The following DUSP12 variants were observed in gnomAD, a reference collection of about 807,000 sequenced individuals.
DUSP12 encodes the protein dual specificity phosphatase 12.
DUSP12 carries 25 observed loss-of-function variants against 38.9 expected under a neutral mutation model. The observed-to-expected ratio is 0.64, with a 90% confidence interval of 0.47 to 0.90. The LOEUF (loss-of-function observed/expected upper bound fraction) is 0.90, where lower values mean the gene tolerates loss of function less well. DUSP12 is among the 40% of genes least tolerant of loss of function. The probability of loss-of-function intolerance (pLI) is 0.00; values close to 1 mark genes in which losing one functional copy is unlikely to be tolerated. For synonymous variants in DUSP12, 153 were observed against 153.9 expected (o/e 0.99, Z 0.05); for missense variants, 403 against 427.0 (o/e 0.94, Z 0.50).
At chr1:161,754,189 A>G (rs1407211954) in intron 5 of DUSP12, among the ~76,000 whole-genome samples, 1 of 152,236 alleles carries the variant, frequency 6.6e-6, no homozygotes, top group African/African-American at 2.4e-5. Flanking sequence ...ACTGTATTAT[A>G]CCATTTGAAG....
At chr1:161,754,337 T>TA (rs986525201) in intron 5 of DUSP12, among the ~76,000 whole-genome samples, 14 of 151,910 alleles carry the variant, frequency 9.2e-5, no homozygotes, top group South Asian at 4.2e-4. Context: ...CTGCTTTTTT[T>TA]AAAAAAAACA....
Position 161,751,902 on chromosome 1 carries a change from C to T in DUSP12, c.495C>T (p.Tyr165=). Residue 165 remains tyrosine, a synonymous_variant, in exon 3 of 6, where the codon TAC becomes TAT. Transcript: ENST00000367943. The part of the protein sequence containing the change: ...NEGFEWQLKL[Y]QAMGYEVDTS... ...GGTTTGAGTGGCAACTGAAATTATA[C>T]CAGGCAATGGGATACGAAGTGGATA... The T allele has an allele frequency of 6.2e-7, 1 of 1,613,082 alleles. No homozygotes were observed. The highest frequency in any genetic ancestry group is 8.5e-7 in the Non-Finnish European group (1 of 1,179,608).
In DUSP12 at chr1:161,750,212, C is replaced by T. The variant is rs1369615083; in HGVS notation, c.344+67C>T. ...CCAGCCGGCCCCCGTCGCCCCTTAC[C>T]TTCCGAGGCCGTCGGGAGGACAAGA... On this transcript the variant is annotated intron_variant, in intron 1 of 5. Coordinates refer to ENST00000367943, the MANE Select transcript of DUSP12 (RefSeq NM_007240.3). The T allele has an allele frequency of 4.6e-6, 7 of 1,527,892 alleles. No homozygotes were observed. In the African/African-American group the frequency reaches 9.7e-5, roughly 21 times the overall value. The allele number at this position is 1,527,892 out of a possible 1,614,324, so 94.6% of individuals were successfully genotyped here. A position where few individuals can be genotyped will look rare whatever the true frequency, so the allele number is the denominator to read the frequency against.
At chr1:161,754,229 C>G (rs1301905590) in intron 5 of DUSP12, among the ~76,000 whole-genome samples, 3 of 152,194 alleles carry the variant, frequency 2.0e-5, no homozygotes, top group Admixed American at 2.0e-4. Flanking sequence ...ATAGGTAGAG[C>G]AGTTATATTC....
rs1340912393 is a variant in DUSP12, at chr1:161,757,072, T to C, written c.*125T>C. The C allele has an allele frequency of 5.4e-6, 5 of 924,614 alleles. No homozygotes were observed. Among genetic ancestry groups the C allele is most frequent in the Middle Eastern group, 3.5e-4 (1 of 2,876 alleles). 57.3% of individuals were successfully genotyped at this position (924,614 alleles called of 1,614,324 possible). On this transcript the variant is annotated 3_prime_UTR_variant, in exon 6 of 6. Coordinates refer to ENST00000367943, the MANE Select transcript of DUSP12 (RefSeq NM_007240.3). ...TTGAAATGGGAGAAGATAAAATCAC[T>C]TGATGTAACCTGGAAACTATGCTTT...
chr1:161,756,946 G>A lies in DUSP12; in HGVS notation c.1022G>A (p.Ter341=), dbSNP rs751884633. The A allele has an allele frequency of 1.9e-6, 3 of 1,611,186 alleles. No individual in the cohort carries two copies. Among genetic ancestry groups the A allele is most frequent in the East Asian group, 2.2e-5 (1 of 44,820 alleles). The change falls in exon 6 of 6, where the codon TGA becomes TAA. Residue 341 remains the stop codon, a stop_retained_variant. Transcript: ENST00000367943. ...PVLGSQTGKI[*] is the part of the protein sequence containing the mutation. Reference sequence around the variant, plus strand: ...TTGGGATCACAAACAGGAAAAATATGAACATGATATTTTATAGCTTGGGAA... The same window carrying A: ...TTGGGATCACAAACAGGAAAAATATAAACATGATATTTTATAGCTTGGGAA...
chr1:161,756,203 TA>T (rs1246451640), intron 5 of DUSP12, among the ~76,000 whole-genome samples: 1 of 152,078 alleles, frequency 6.6e-6, no homozygotes, highest in South Asian at 2.1e-4. Context: ...AGATTAAAAA[TA>T]AAAACTCTTA....
chr1:161,754,631 G>A (rs1684083129), intron 5 of DUSP12, among the ~76,000 whole-genome samples: 1 of 152,172 alleles, frequency 6.6e-6, no homozygotes, highest in African/African-American at 2.4e-5. Flanking sequence ...AAGCATATGT[G>A]AAGGAGGAAC....
intron 5 of DUSP12, 185 bp downstream of exon 5, chr1:161,753,446 C>T (rs764260419): frequency 4.8e-6 from 2 of 420,978 alleles, no homozygotes; most frequent in Admixed American, 4.5e-5. Context: ...ACCAGCTGAT[C>T]CAACATAGTG....
Position 161,749,820 on chromosome 1 carries a change from C to G in DUSP12, c.19C>G (p.Pro7Ala). The change falls in exon 1 of 6, where the codon CCG (proline) becomes GCG (alanine). Residue 7 changes from proline to alanine, a missense_variant. Coordinates refer to ENST00000367943, the MANE Select transcript of DUSP12 (RefSeq NM_007240.3). The part of the protein sequence containing the change: MLEAPG[P>A]SDGCELSNPS... ...CGCGGCCATGTTGGAGGCTCCGGGC[C>G]CGAGTGATGGCTGCGAGCTCAGCAA... The G allele has an allele frequency of 1.3e-6, 2 of 1,584,022 alleles. No individual in the cohort carries two copies. The highest frequency in any genetic ancestry group is 1.7e-6 in the Non-Finnish European group (2 of 1,165,844).
At chr1:161,754,131 A>G (rs1684073192) in intron 5 of DUSP12, among the ~76,000 whole-genome samples, 1 of 152,172 alleles carries the variant, frequency 6.6e-6, no homozygotes, top group Admixed American at 6.5e-5. Context: ...GAAAGTTTGT[A>G]TGGTTTGTAT....
At chr1:161,751,587 A>G (rs1337844732) in intron 1 of DUSP12, 81 bp from the exon 2 acceptor site, 27 of 1,530,076 alleles carry the variant, frequency 1.8e-5, no homozygotes, top group Non-Finnish European at 2.4e-5. Flanking sequence ...AAACTTTACT[A>G]TTAATAGGGG....
In DUSP12 at chr1:161,749,837, G is replaced by T; in HGVS notation, c.36G>T (p.Glu12Asp). Residue 12 changes from glutamate to aspartate, a missense_variant, in exon 1 of 6, where the codon GAG (glutamate) becomes GAT (aspartate). Physicochemically the swap from Glu to Asp is conservative, Grantham distance 45 (BLOSUM62 2). Transcript: ENST00000367943. ...LEAPGPSDGCELSNPSASRVS... is the reference protein window; with the variant it reads ...LEAPGPSDGCDLSNPSASRVS... Reference sequence around the variant, plus strand: ...CTCCGGGCCCGAGTGATGGCTGCGAGCTCAGCAACCCCAGCGCCAGCAGAG... The same window carrying T: ...CTCCGGGCCCGAGTGATGGCTGCGATCTCAGCAACCCCAGCGCCAGCAGAG... 18 of 1,596,562 alleles carry T rather than the reference G, an allele frequency of 1.1e-5. No individual in the cohort carries two copies. The highest frequency in any genetic ancestry group is 1.5e-5 in the Non-Finnish European group (18 of 1,172,112).
chr1:161,754,853 G>A (rs565633061), intron 5 of DUSP12, among the ~76,000 whole-genome samples: 8 of 151,758 alleles, frequency 5.3e-5, no homozygotes, highest in Non-Finnish European at 5.9e-5. Flanking sequence ...TTTTTGAGAC[G>A]GAGTTTCACT....
Position 161,757,103 on chromosome 1 carries a change from G to T in DUSP12, c.*156G>T. On this transcript the variant is annotated 3_prime_UTR_variant, in exon 6 of 6. Transcript: ENST00000367943. ...TAACCTGGAAACTATGCTTTACATG[G>T]CAATCAAAGCCTTTTGATCATGTAC... 1 of 626,254 alleles carries T rather than the reference G, an allele frequency of 1.6e-6. No individual in the cohort carries two copies. The highest frequency in any genetic ancestry group is 2.6e-6 in the Non-Finnish European group (1 of 381,544). The allele number at this position is 626,254 out of a possible 1,614,324, so 38.8% of individuals were successfully genotyped here.
chr1:161,749,864 C>G lies in DUSP12; in HGVS notation c.63C>G (p.Val21=), dbSNP rs1227556522. 1.2e-6 allele frequency: 2 copies of G among 1,609,666 alleles called. No homozygotes were observed. Among genetic ancestry groups the G allele is most frequent in the Non-Finnish European group, 8.5e-7 (1 of 1,178,176 alleles). The change falls in exon 1 of 6, where the codon GTC becomes GTG. Residue 21 remains valine, a synonymous_variant. Coordinates refer to ENST00000367943, the MANE Select transcript of DUSP12 (RefSeq NM_007240.3). ...TCAGCAACCCCAGCGCCAGCAGAGT[C>G]AGCTGTGCCGGGCAGATGCTGGAAG... ...CELSNPSASR[V]SCAGQMLEVQ...
chr1:161,751,024 A>T (rs1254767055), intron 1 of DUSP12: 1 of 152,290 alleles, frequency 6.6e-6, no homozygotes, highest in Non-Finnish European at 1.5e-5. Context: ...GAAGATAGTG[A>T]TGAAATCAAA....
intron 5 of DUSP12, 127 bp from the exon 6 acceptor site, chr1:161,756,659 A>G (rs1297118229): frequency 5.9e-6 from 6 of 1,020,380 alleles, no homozygotes; most frequent in Non-Finnish European, 8.5e-6. Flanking sequence ...ATTTTATCTC[A>G]CTGATTAGAT....
rs539052931 is a variant in DUSP12 at position 161,749,917 on chromosome 1, C to T, written c.116C>T (p.Ala39Val). 1.9e-6 allele frequency: 3 copies of T among 1,613,708 alleles called. No homozygotes were observed. The South Asian group carries it at 3.3e-5, about 18-fold the overall frequency. ...CAGCCAGGATTGTATTTCGGTGGGG[C>T]CGCGGCCGTCGCGGAGCCAGATCAC... ...EVQPGLYFGGAAAVAEPDHLR... is the reference protein window; with the variant it reads ...EVQPGLYFGGVAAVAEPDHLR... The change falls in exon 1 of 6, where the codon GCC (alanine) becomes GTC (valine). Residue 39 changes from alanine (A) to valine (V), a missense_variant. Coordinates refer to ENST00000367943, the MANE Select transcript of DUSP12 (RefSeq NM_007240.3).
Sources: allele counts gnomAD v4.1 joint callset (sites outside exome capture counted in the v4.1 genomes callset), GRCh38; gene constraint gnomAD v4.1.1; transcripts MANE v1.5; gene names NCBI Gene and HGNC (gene_info 2026-07-23, HGNC 2026-07-21).